The following ARHGAP21 variants were observed in gnomAD, a reference collection of about 807,000 sequenced individuals.
ARHGAP21 encodes rho GTPase-activating protein 21.
In ARHGAP21, 38 loss-of-function variants were observed where a neutral mutation model predicts 164.6. The ratio of observed to expected loss-of-function variants is 0.23; its 90% CI spans 0.18 to 0.30. ARHGAP21 has a LOEUF of 0.30. ARHGAP21 is among the 10% of genes least tolerant of loss of function. The pLI, the probability that ARHGAP21 is intolerant of heterozygous loss-of-function variation, is 1.00. For missense variants in ARHGAP21, 1,822 were observed against 2,370.7 expected (o/e 0.77, Z 4.81); for synonymous variants, 766 against 857.9 (o/e 0.89, Z 1.87).
intron 7 of ARHGAP21, among the ~76,000 whole-genome samples, chr10:24,624,263 G>A (rs1355438117): frequency 1.3e-5 from 2 of 150,288 alleles, no homozygotes; most frequent in African/African-American, 4.9e-5. Flanking sequence ...AAACTTACTC[G>A]CCAGGGAACC....
chr10:24,665,394 T>G (rs986154215), intron 4 of ARHGAP21, among the ~76,000 whole-genome samples: 7 of 151,914 alleles, frequency 4.6e-5, no homozygotes, highest in African/African-American at 1.7e-4. Context: ...CATCAACAGG[T>G]TGAGTGGTTA....
chr10:24,590,641 A>G, intron 24 of ARHGAP21: 1 of 1,398,564 alleles, frequency 7.2e-7, no homozygotes, highest in Non-Finnish European at 9.3e-7. Context: ...AGAGCCTAGA[A>G]GAACTAATAC....
At chr10:24,628,105 A>T (rs1835320653) in intron 7 of ARHGAP21, among the ~76,000 whole-genome samples, 1 of 152,122 alleles carries the variant, frequency 6.6e-6, no homozygotes, top group South Asian at 2.1e-4. Flanking sequence ...TTCCCTATTT[A>T]TTTCTAGTCT....
rs769917488 is a variant in ARHGAP21, at chr10:24,585,999, A to G, written c.4290T>C (p.Pro1430=). The part of the protein sequence containing the change: ...KRKKPKEKAQ[P]SSSEDELDNV... Reference sequence around the variant, plus strand: ...TGTCCAGTTCATCTTCTGAGCTGCTAGGCTGTGCTTTTTCTTTCGGCTTCT... The same window carrying G: ...TGTCCAGTTCATCTTCTGAGCTGCTGGGCTGTGCTTTTTCTTTCGGCTTCT... The change falls in exon 26 of 26, where the codon CCT becomes CCC. Residue 1430 remains proline (P), a synonymous_variant. Coordinates refer to ENST00000396432, the MANE Select transcript of ARHGAP21 (RefSeq NM_020824.4). 7 of 1,614,118 alleles carry G rather than the reference A, an allele frequency of 4.3e-6. No individual in the cohort carries two copies. Among genetic ancestry groups the G allele is most frequent in the Non-Finnish European group, 5.9e-6 (7 of 1,180,032 alleles).
chr10:24,601,316 A>G (rs1438077574), intron 13 of ARHGAP21, among the ~76,000 whole-genome samples: 1 of 152,242 alleles, frequency 6.6e-6, no homozygotes, highest in Admixed American at 6.5e-5. Context: ...CAGATACTGC[A>G]GGAGTTCTCC....
chr10:24,672,372 C>T (rs1840794124), intron 2 of ARHGAP21, among the ~76,000 whole-genome samples: 3 of 152,202 alleles, frequency 2.0e-5, no homozygotes, highest in African/African-American at 7.2e-5. Context: ...GCGACTTTGT[C>T]TCAGGCTCCT....
rs909329037 is a variant in ARHGAP21 at position 24,600,702 on chromosome 10, C to A, written c.3076G>T (p.Asp1026Tyr). 5 of 1,613,950 alleles carry A rather than the reference C, an allele frequency of 3.1e-6. No homozygotes were observed. Among genetic ancestry groups the A allele is most frequent in the Non-Finnish European group, 4.2e-6 (5 of 1,179,866 alleles). The change falls in exon 14 of 26, where the codon GAT (aspartate) becomes TAT (tyrosine). Residue 1026 changes from aspartate to tyrosine, a missense_variant. Asp to Tyr is a radical substitution (Grantham distance 160). Coordinates refer to ENST00000396432, the MANE Select transcript of ARHGAP21 (RefSeq NM_020824.4). ...CECLFQAEDR[D>Y]DMLAWIKTIQ... The stretch of plus-strand genomic sequence containing the variant: ...GTCTTGATCCAAGCTAGCATATCAT[C>A]TCTGTCTTCAGCCTGAAACAGGCAT...
intron 2 of ARHGAP21, among the ~76,000 whole-genome samples, chr10:24,677,191 G>A (rs1325797718): frequency 1.3e-5 from 2 of 152,168 alleles, no homozygotes; most frequent in Non-Finnish European, 2.9e-5. Context: ...TTGTACTCCT[G>A]CCTAAGCGAC....
chr10:24,699,481 T>C (rs975584173), intron 2 of ARHGAP21, among the ~76,000 whole-genome samples: 1 of 151,930 alleles, frequency 6.6e-6, no homozygotes, highest in African/African-American at 2.4e-5. Context: ...CCTGCCACCA[T>C]GCCCAGCTAA....
chr10:24,607,681 C>CATACT (rs1166389057), intron 10 of ARHGAP21, 64 bp downstream of exon 10: 18 of 1,610,000 alleles, frequency 1.1e-5, no homozygotes, highest in Non-Finnish European at 8.5e-6. Flanking sequence ...ATCAGTTTAT[C>CATACT]ATACTATTCT....
At chr10:24,710,570 C>T (rs1844682019) in intron 2 of ARHGAP21, among the ~76,000 whole-genome samples, 1 of 133,776 alleles carries the variant, frequency 7.5e-6, no homozygotes, top group African/African-American at 3.0e-5. Flanking sequence ...AAGGTAGGAA[C>T]CAGACTATGT....
intron 14 of ARHGAP21, 59 bp from the exon 15 acceptor site, chr10:24,598,068 T>A: frequency 7.4e-7 from 1 of 1,353,000 alleles, no homozygotes; most frequent in Non-Finnish European, 1.0e-6. Context: ...GATCCTTACT[T>A]TTTTGAGGCT....
At chr10:24,678,045 T>C (rs547239726) in intron 2 of ARHGAP21, among the ~76,000 whole-genome samples, 7 of 151,860 alleles carry the variant, frequency 4.6e-5, no homozygotes, top group Admixed American at 2.6e-4. Flanking sequence ...GAGGGCAGCT[T>C]GAGCCCAGGA....
chr10:24,694,511 C>T (rs190420941), intron 2 of ARHGAP21, among the ~76,000 whole-genome samples: 5 of 152,278 alleles, frequency 3.3e-5, no homozygotes, highest in Admixed American at 2.0e-4. Flanking sequence ...TGACCTGCCC[C>T]CAGTAAACAT....
chr10:24,626,169 T>A (rs1334358844), intron 7 of ARHGAP21, among the ~76,000 whole-genome samples: 2 of 152,224 alleles, frequency 1.3e-5, no homozygotes, highest in African/African-American at 4.8e-5. Flanking sequence ...TAAAATTTAA[T>A]CTTTGAGTCA....
intron 2 of ARHGAP21, among the ~76,000 whole-genome samples, chr10:24,673,454 TACAA>T (rs1257535336): frequency 2.6e-5 from 4 of 152,198 alleles, no homozygotes; most frequent in Non-Finnish European, 5.9e-5. Flanking sequence ...ACAAGTATAA[TACAA>T]ATACTTGTAA....
chr10:24,650,380 A>G (rs895954252), intron 4 of ARHGAP21, among the ~76,000 whole-genome samples: 1 of 152,056 alleles, frequency 6.6e-6, no homozygotes, highest in African/African-American at 2.4e-5. Context: ...AAAAAGCAAC[A>G]TGTAGATAGG....
chr10:24,671,725 T>A (rs1033375717), intron 2 of ARHGAP21, among the ~76,000 whole-genome samples: 2 of 137,984 alleles, frequency 1.4e-5, no homozygotes, highest in African/African-American at 5.9e-5. Context: ...TTAACAAAAT[T>A]TTTTTTTTTT....
intron 8 of ARHGAP21, 56 bp from the exon 9 acceptor site, chr10:24,621,425 T>A (rs903391670): frequency 1.2e-5 from 17 of 1,448,738 alleles, no homozygotes; most frequent in Non-Finnish European, 1.6e-5. Flanking sequence ...AATAATAATT[T>A]CCATTTTTAC....
Sources: gnomAD v4.1 joint callset for allele counts (sites outside exome capture counted in the v4.1 genomes callset) on GRCh38, gnomAD v4.1.1 for gene constraint, MANE v1.5 for transcripts, NCBI Gene and HGNC (gene_info 2026-07-23, HGNC 2026-07-21) for gene names.